The following HPS4 variants were observed in gnomAD, a reference collection of about 807,000 sequenced individuals.
HPS4 encodes the protein BLOC-3 complex member HPS4.
In HPS4, 44 loss-of-function variants were observed where a neutral mutation model predicts 70.3. That is an observed-to-expected ratio of 0.63 (90% CI 0.49 to 0.80). HPS4 has a LOEUF of 0.80. Among genes scored for constraint, HPS4 ranks in the 30% least tolerant of loss-of-function variants. The probability of loss-of-function intolerance (pLI) is 0.00; values close to 1 mark genes in which losing one functional copy is unlikely to be tolerated. For missense variants in HPS4, 873 were observed against 884.4 expected (o/e 0.99, Z 0.16); for synonymous variants, 377 against 355.9 (o/e 1.06, Z -0.67).
chr22:26,465,322 C>T, intron 10 of HPS4, 133 bp downstream of exon 10: 1 of 723,662 alleles, frequency 1.4e-6, no homozygotes, highest in Non-Finnish European at 2.5e-6. Flanking sequence ...TTCAGATGCT[C>T]CTTTACAAGA....
chr22:26,452,000 GCGCGCACACACACACACACA>G lies in HPS4; in HGVS notation c.*1213_*1232del, dbSNP rs1466691948. 3.9e-3 allele frequency: 286 copies of G among 72,548 alleles called. 1 individual carries two copies. Among genetic ancestry groups the G allele is most frequent in the African/African-American group, 0.022 (255 of 11,358 alleles). 4.5% of individuals were successfully genotyped at this position (72,548 alleles called of 1,614,324 possible). On this transcript the variant is annotated 3_prime_UTR_variant, in exon 14 of 14. Transcript: ENST00000398145. ...GCGCCCACGTTACGCGCGCGCGCGC[GCGCGCACACACACACACACA>G]CACACACACACACACACACACACTG...
chr22:26,477,197 CT>C lies in HPS4; in HGVS notation c.133-62del, dbSNP rs2090670735. On this transcript the variant is annotated intron_variant, in intron 3 of 13. Transcript: ENST00000398145. ...AAATTCTTGAACTCTTAAGTCATTT[CT>C]TACAGCATACTAAAGCCTGCAAGCC... 3.8e-6 allele frequency: 6 copies of C among 1,585,322 alleles called. No individual in the cohort carries two copies. In the African/African-American group the frequency reaches 5.4e-5, roughly 14 times the overall value.
At chr22:26,466,538 G>GCC (rs1189191651) in intron 8 of HPS4, 7 of 562,348 alleles carry the variant, frequency 1.2e-5, no homozygotes, top group Admixed American at 6.1e-5. Flanking sequence ...GATTTTCTCA[G>GCC]TCTCTCTCCC....
At chr22:26,465,639 C>G in intron 9 of HPS4, 88 bp from the exon 10 acceptor site, 3 of 1,091,218 alleles carry the variant, frequency 2.7e-6, no homozygotes, top group Non-Finnish European at 4.2e-6. Flanking sequence ...ATGCATCCAA[C>G]CCACACGTGG....
intron 11 of HPS4, 114 bp downstream of exon 11, chr22:26,463,803 C>G (rs1309932227): frequency 1.1e-5 from 13 of 1,142,462 alleles, no homozygotes; most frequent in Non-Finnish European, 1.7e-5. Flanking sequence ...CAGGGTCACA[C>G]AACTGAGGGC....
intron 2 of HPS4, among the ~76,000 whole-genome samples, chr22:26,480,192 A>G (rs2091125998): frequency 6.6e-6 from 1 of 152,186 alleles, no homozygotes; most frequent in African/African-American, 2.4e-5. Context: ...TTGTTTTTAC[A>G]GGGTCTCACT....
intron 11 of HPS4, among the ~76,000 whole-genome samples, chr22:26,459,866 T>C (rs908720837): frequency 2.0e-5 from 3 of 152,220 alleles, no homozygotes; most frequent in Admixed American, 2.0e-4. Context: ...AAAATAATCA[T>C]ATAAAAGAAA....
downstream of HPS4, among the ~76,000 whole-genome samples, chr22:26,448,624 G>A (rs909882252): frequency 2.0e-5 from 3 of 152,138 alleles, no homozygotes; most frequent in Non-Finnish European, 4.4e-5. Flanking sequence ...CTTATACCTC[G>A]GCATGCACAG....
chr22:26,479,004 C>T (rs919246859), intron 3 of HPS4, among the ~76,000 whole-genome samples: 1 of 152,058 alleles, frequency 6.6e-6, no homozygotes, highest in Non-Finnish European at 1.5e-5. Context: ...TTTTAAAAAC[C>T]AAGCTGATCA....
chr22:26,464,589 A>T lies in HPS4; in HGVS notation c.1041T>A (p.Gly347=), dbSNP rs753983512. Residue 347 remains glycine (G), a synonymous_variant, in exon 11 of 14, where the codon GGT becomes GGA. Transcript: ENST00000398145. ...RPAGLHNSAR[G]EVLGLSSSLG... is the part of the protein sequence containing the mutation. ...GGGAGGAGCTGAGGCCAAGAACCTCACCCCTGGCAGAGTTGTGCAGTCCTG... is the reference window on the plus strand; with the variant it reads ...GGGAGGAGCTGAGGCCAAGAACCTCTCCCCTGGCAGAGTTGTGCAGTCCTG... The T allele has an allele frequency of 6.8e-6, 11 of 1,614,044 alleles. No homozygotes were observed. Among genetic ancestry groups the T allele is most frequent in the Non-Finnish European group, 8.5e-7 (1 of 1,180,042 alleles).
At chr22:26,443,253 T>G, downstream of HPS4, 1 of 1,525,238 alleles carries the variant, frequency 6.6e-7, no homozygotes, top group Non-Finnish European at 9.1e-7. Flanking sequence ...AGGCGGGGCC[T>G]GGGCAGACTG....
chr22:26,465,663 T>G, intron 9 of HPS4, 112 bp from the exon 10 acceptor site: 2 of 825,114 alleles, frequency 2.4e-6, no homozygotes, highest in Non-Finnish European at 4.0e-6. Context: ...CGGAAAGGGG[T>G]GCTGTGAGTG....
intron 13 of HPS4, among the ~76,000 whole-genome samples, chr22:26,456,345 A>G (rs2086133624): frequency 6.6e-6 from 1 of 152,258 alleles, no homozygotes; most frequent in African/African-American, 2.4e-5. Flanking sequence ...CAATTTTCTC[A>G]TCTGTAAAAT....
chr22:26,479,246 A>C lies in HPS4; in HGVS notation c.132+19T>G. On this transcript the variant is annotated intron_variant, in intron 3 of 13. Transcript: ENST00000398145. ...GGCACTGGGATCCTCACTGAACAAT[A>C]AAATGCTGTGTGGCTTACCTGGGAA... 6.2e-7 allele frequency: 1 copy of C among 1,614,004 alleles called. No homozygotes were observed. Among genetic ancestry groups the C allele is most frequent in the South Asian group, 1.1e-5 (1 of 91,070 alleles).
chr22:26,481,802 C>T lies in HPS4; in HGVS notation c.-40G>A, dbSNP rs975449611. On this transcript the variant is annotated 5_prime_UTR_variant, in exon 2 of 14. Transcript: ENST00000398145. ...TCCTCATTCTCTTCATTTAGGTTTT[C>T]TTTTCCGGTATCACTTCTTTCTCCC... 1 of 1,598,424 alleles carries T rather than the reference C, an allele frequency of 6.3e-7. No homozygotes were observed. The highest frequency in any genetic ancestry group is 1.3e-5 in the African/African-American group (1 of 74,772).
chr22:26,465,825 T>C (rs867942461), intron 9 of HPS4: 1 of 554,138 alleles, frequency 1.8e-6, no homozygotes, highest in Non-Finnish European at 3.2e-6. Flanking sequence ...AAGAAGAAGA[T>C]ATAAGCTAAG....
chr22:26,444,454 C>T (rs2084891809), exon 4 of HPS4: 3 of 152,196 alleles, frequency 2.0e-5, no homozygotes, highest in Admixed American at 2.0e-4. Flanking sequence ...ATGTGGATCT[C>T]TTCCCGAAGG....
intron 11 of HPS4, among the ~76,000 whole-genome samples, chr22:26,460,404 C>T (rs552022192): frequency 8.7e-4 from 133 of 152,328 alleles, no homozygotes; most frequent in African/African-American, 3.0e-3. Context: ...GACACGCACA[C>T]GGGCACACAT....
Position 26,453,132 on chromosome 22 carries a change from G to T in HPS4, c.*101C>A, listed in dbSNP as rs1488173951. 1.6e-6 allele frequency: 2 copies of T among 1,221,530 alleles called. No homozygotes were observed. Among genetic ancestry groups the T allele is most frequent in the East Asian group, 2.3e-5 (1 of 42,728 alleles). 75.7% of individuals were successfully genotyped at this position (1,221,530 alleles called of 1,614,324 possible). A position where few individuals can be genotyped will look rare whatever the true frequency, so the allele number is the denominator to read the frequency against. On this transcript the variant is annotated 3_prime_UTR_variant, in exon 14 of 14. Transcript: ENST00000398145. ...AATATCATTTGGTTCCTAAAAAAGG[G>T]AATGTTTTCAAGAAAAATAAAATAG... is the stretch of plus-strand genomic sequence containing the variant.
Sources: gnomAD v4.1 joint callset for allele counts (sites outside exome capture counted in the v4.1 genomes callset) on GRCh38, gnomAD v4.1.1 for gene constraint, MANE v1.5 for transcripts, NCBI Gene and HGNC (gene_info 2026-07-23, HGNC 2026-07-21) for gene names.